The following NEGR1 variants were observed in gnomAD, a reference collection of about 807,000 sequenced individuals.
NEGR1 encodes the protein IgLON family member 4.
NEGR1 carries 10 observed loss-of-function variants against 40.9 expected under a neutral mutation model. The observed-to-expected ratio is 0.24, with a 90% CI of 0.15 to 0.42. NEGR1 has a LOEUF of 0.42. Among genes scored for constraint, NEGR1 ranks in the 10% least tolerant of loss-of-function variants. The pLI, the probability that NEGR1 is intolerant of heterozygous loss-of-function variation, is 1.00. For synonymous variants in NEGR1, 185 were observed against 166.8 expected (o/e 1.11, Z -0.84); for missense variants, 352 against 438.9 (o/e 0.80, Z 1.77).
chr1:71,906,764 A>T (rs1365325721), intron 2 of NEGR1, among the ~76,000 whole-genome samples: 3 of 152,226 alleles, frequency 2.0e-5, no homozygotes, highest in Non-Finnish European at 2.9e-5. Context: ...AATAAAATAT[A>T]GTATGAGGTG....
chr1:71,538,332 G>A (rs1647578110), intron 6 of NEGR1, among the ~76,000 whole-genome samples: 1 of 151,594 alleles, frequency 6.6e-6, no homozygotes, highest in African/African-American at 2.4e-5. Context: ...ATTTTGGAAG[G>A]TTACATTTGG....
chr1:71,618,081 A>G (rs1158386748), intron 4 of NEGR1, among the ~76,000 whole-genome samples: 1 of 152,208 alleles, frequency 6.6e-6, no homozygotes, highest in African/African-American at 2.4e-5. Flanking sequence ...TATGGGGGCG[A>G]AAAGTGAACA....
chr1:71,684,233 T>C (rs1652943920), intron 4 of NEGR1, among the ~76,000 whole-genome samples: 1 of 152,080 alleles, frequency 6.6e-6, no homozygotes, highest in Non-Finnish European at 1.5e-5. Flanking sequence ...ATCGCGCCAC[T>C]GCACTCCAGC....
intron 6 of NEGR1, among the ~76,000 whole-genome samples, chr1:71,417,784 T>C (rs1038653843): frequency 4.6e-5 from 7 of 152,132 alleles, no homozygotes; most frequent in African/African-American, 1.7e-4. Flanking sequence ...TAAATTTTCT[T>C]AAAATTGTAG....
At chr1:71,619,220 A>T (rs1650538684) in intron 4 of NEGR1, among the ~76,000 whole-genome samples, 1 of 152,140 alleles carries the variant, frequency 6.6e-6, no homozygotes, top group Non-Finnish European at 1.5e-5. Flanking sequence ...CCACTACAAT[A>T]TTCCATGTTT....
intron 1 of NEGR1, among the ~76,000 whole-genome samples, chr1:72,064,205 C>G (rs1647222530): frequency 1.3e-5 from 2 of 151,794 alleles, no homozygotes; most frequent in East Asian, 1.9e-4. Flanking sequence ...AAAAAAGGAG[C>G]CTTTATCACA....
chr1:72,148,352 T>C (rs1650989684), intron 1 of NEGR1, among the ~76,000 whole-genome samples: 1 of 152,074 alleles, frequency 6.6e-6, no homozygotes, highest in Non-Finnish European at 1.5e-5. Flanking sequence ...GAGCTCTACA[T>C]TGGCCCCTTT....
At chr1:71,511,996 G>A (rs748874396) in intron 6 of NEGR1, among the ~76,000 whole-genome samples, 11 of 152,248 alleles carry the variant, frequency 7.2e-5, no homozygotes, top group South Asian at 2.1e-4. Context: ...TGTTAGAAAC[G>A]TGTAAACAGT....
chr1:72,163,613 G>C (rs1651666481), intron 1 of NEGR1, among the ~76,000 whole-genome samples: 1 of 151,930 alleles, frequency 6.6e-6, no homozygotes, highest in African/African-American at 2.4e-5. Context: ...TTATCTGAAG[G>C]TGCCTCCATA....
In NEGR1 at chr1:72,043,470, T is replaced by A. The variant is rs190072229; in HGVS notation, c.177-108159A>T. 3.1e-3 allele frequency among the ~76,000 whole-genome samples: 464 copies of A among 151,882 alleles called. 2 individuals are homozygous for A. The highest frequency in any genetic ancestry group is 0.01 in the Middle Eastern group (3 of 294). The stretch of plus-strand genomic sequence containing the variant: ...TTGAGGTAAATGCTTATGTATAACA[T>A]TTTCTTATACCTATATATTATTCAC... On this transcript the variant is annotated intron_variant, in intron 1 of 6. Transcript: ENST00000357731.
intron 3 of NEGR1, among the ~76,000 whole-genome samples, chr1:71,732,154 A>G (rs1490850301): frequency 2.0e-5 from 3 of 152,138 alleles, no homozygotes; most frequent in African/African-American, 7.2e-5. Flanking sequence ...CTAAAAATAC[A>G]GAAATTAGCT....
intron 1 of NEGR1, among the ~76,000 whole-genome samples, chr1:72,217,186 G>A (rs1419068978): frequency 1.3e-4 from 19 of 151,784 alleles, no homozygotes; most frequent in Admixed American, 1.1e-3. Context: ...TATAGTAAGC[G>A]TATGGCAAAA....
intron 3 of NEGR1, among the ~76,000 whole-genome samples, chr1:71,754,750 C>A (rs1276307477): frequency 6.6e-6 from 1 of 151,822 alleles, no homozygotes; most frequent in Non-Finnish European, 1.5e-5. Context: ...ATAATAGACA[C>A]TTTTCCATAT....
intron 1 of NEGR1, among the ~76,000 whole-genome samples, chr1:72,081,839 C>A (rs775910122): frequency 2.6e-5 from 4 of 151,998 alleles, no homozygotes; most frequent in Non-Finnish European, 2.9e-5. Context: ...GTAATCATAT[C>A]CCTCCCTGAC....
chr1:71,993,000 T>C (rs909575722), intron 1 of NEGR1, among the ~76,000 whole-genome samples: 68 of 152,266 alleles, frequency 4.5e-4, no homozygotes, highest in African/African-American at 1.6e-3. Context: ...ATGTACTCAT[T>C]GCGGATTTCC....
At chr1:71,752,926 C>A (rs553754352) in intron 3 of NEGR1, among the ~76,000 whole-genome samples, 2 of 152,212 alleles carry the variant, frequency 1.3e-5, no homozygotes, top group Non-Finnish European at 2.9e-5. Context: ...ATAGTAAGCC[C>A]ATGAGCTGGA....
At chr1:72,076,386 T>A (rs1647734365) in intron 1 of NEGR1, among the ~76,000 whole-genome samples, 1 of 152,206 alleles carries the variant, frequency 6.6e-6, no homozygotes, top group African/African-American at 2.4e-5. Context: ...TACACCTTGA[T>A]CTTGGGCTTC....
intron 1 of NEGR1, among the ~76,000 whole-genome samples, chr1:72,245,050 G>C (rs764997681): frequency 3.9e-5 from 6 of 152,048 alleles, no homozygotes; most frequent in Non-Finnish European, 7.4e-5. Context: ...AACAAGAAGA[G>C]AGAGCATTGC....
At chr1:71,733,885 T>C (rs1654964073) in intron 3 of NEGR1, among the ~76,000 whole-genome samples, 1 of 152,206 alleles carries the variant, frequency 6.6e-6, no homozygotes, top group Non-Finnish European at 1.5e-5. Flanking sequence ...ATCAAATGGA[T>C]AACTTGTTCA....
Sources: allele counts gnomAD v4.1 joint callset (sites outside exome capture counted in the v4.1 genomes callset), GRCh38; gene constraint gnomAD v4.1.1; transcripts MANE v1.5; gene names NCBI Gene and HGNC (gene_info 2026-07-23, HGNC 2026-07-21).